The following JAK3 variants were observed in gnomAD, a reference collection of about 807,000 sequenced individuals.
JAK3 encodes tyrosine-protein kinase JAK3.
A neutral mutation model predicts 120.8 loss-of-function variants in JAK3; 88 were observed. The observed-to-expected ratio is 0.73, with a 90% CI of 0.61 to 0.87. The LOEUF (loss-of-function observed/expected upper bound fraction) is 0.87, where lower values mean the gene tolerates loss of function less well. Among genes scored for constraint, JAK3 ranks in the 40% least tolerant of loss-of-function variants. JAK3 has a pLI of 0.00. For synonymous variants in JAK3, 592 were observed against 628.6 expected, an observed-to-expected ratio of 0.94 and a Z score of 0.87; for missense variants, 1,254 against 1,501.4, an observed-to-expected ratio of 0.84 and a Z score of 2.72.
chr19:17,838,490 C>T lies in JAK3; in HGVS notation c.1442-100G>A, dbSNP rs1356670099. 23 of 1,376,400 alleles carry T rather than the reference C, an allele frequency of 1.7e-5. No individual in the cohort carries two copies. In the East Asian group the frequency reaches 3.2e-4, roughly 19 times the overall value. 85.3% of individuals were successfully genotyped at this position (1,376,400 alleles called of 1,614,324 possible). On this transcript the variant is annotated intron_variant, in intron 10 of 23. Coordinates refer to ENST00000458235, the MANE Select transcript of JAK3 (RefSeq NM_000215.4). ...TTAGTTTGAGGTACCCTCTAGAAGC[C>T]GACCCTGAGATGAAGACTTCAGGGC... is the stretch of plus-strand genomic sequence containing the variant.
intron 22 of JAK3, 22 bp from the exon 23 acceptor site, chr19:17,830,240 T>A: frequency 1.3e-6 from 2 of 1,494,700 alleles, no homozygotes; most frequent in Non-Finnish European, 1.8e-6. Flanking sequence ...GAGGAGCGCA[T>A]GTGGTGGGGG....
At position 17,834,892 on chromosome 19, in the gene JAK3, C is replaced by T; in HGVS notation, c.2159G>A (p.Ser720Asn). The T allele has an allele frequency of 1.9e-6, 3 of 1,614,172 alleles. No homozygotes were observed. The highest frequency in any genetic ancestry group is 1.1e-5 in the South Asian group (1 of 91,086). The change falls in exon 16 of 24, where the codon AGT becomes AAT. Residue 720 changes from serine (S) to asparagine (N), a missense_variant. This residue lies in a region of JAK3 where 630 missense variants were observed against 819.8 expected (regional missense o/e 0.77). Transcript: ENST00000458235. ...GGCACTGATGGGCATGGTGACGCCA[C>T]TAAACACTTCCCAGACCGTGGCGCC... is the stretch of plus-strand genomic sequence containing the variant. ...GFGATVWEVF[S>N]GVTMPISALD...
At position 17,840,185 on chromosome 19, in the gene JAK3, C is replaced by A. The variant is rs770302755; in HGVS notation, c.1254+45G>T. ...TTTTAAATCTCAATTCAAACGTCAC[C>A]TCCTCCAGGCAGCCCTCCACTACCC... is the stretch of plus-strand genomic sequence containing the variant. On this transcript the variant is annotated intron_variant, in intron 9 of 23. Coordinates refer to ENST00000458235, the MANE Select transcript of JAK3 (RefSeq NM_000215.4). 3 of 1,299,036 alleles carry A rather than the reference C, an allele frequency of 2.3e-6. No individual in the cohort carries two copies. The African/African-American group carries it at 4.4e-5, about 19-fold the overall frequency. The allele number at this position is 1,299,036 out of a possible 1,614,324, so 80.5% of individuals were successfully genotyped here.
rs1568401934 is a variant in JAK3 at position 17,832,711 on chromosome 19, G to C, written c.2491-3C>G. 1.9e-6 allele frequency: 3 copies of C among 1,614,094 alleles called. No individual in the cohort carries two copies. In the African/African-American group the frequency reaches 4.0e-5, roughly 22 times the overall value. On this transcript the variant is annotated splice_polypyrimidine_tract_variant and splice_region_variant and intron_variant, in intron 18 of 23. Coordinates refer to ENST00000458235, the MANE Select transcript of JAK3 (RefSeq NM_000215.4). This position sits in a 1 kb window ranked among gnomAD's most constrained non-coding sequence, Gnocchi z 4.7. ...AGCTCCACGCTGCCAAAGTTGCCCT[G>C]GGGGATAGCGGGACTGATGTCCAGG...
chr19:17,842,925 G>A lies in JAK3; in HGVS notation c.566+102C>T, dbSNP rs1306030514. 2 of 1,513,810 alleles carry A rather than the reference G, an allele frequency of 1.3e-6. No homozygotes were observed. The highest frequency in any genetic ancestry group is 2.7e-5 in the African/African-American group (2 of 73,076). 93.8% of individuals were successfully genotyped at this position (1,513,810 alleles called of 1,614,324 possible). On this transcript the variant is annotated intron_variant, in intron 5 of 23. Coordinates refer to ENST00000458235, the MANE Select transcript of JAK3 (RefSeq NM_000215.4). This position sits in a 1 kb window ranked among gnomAD's most constrained non-coding sequence, Gnocchi z 6.4. ...CCTGGGTCATAGGAACACCCTGAAA[G>A]CTTGCAGGAGAACTCCATGGTGGGA...
rs199649035 is a variant in JAK3 at position 17,838,014 on chromosome 19, C to A, written c.1619G>T (p.Arg540Leu). ...GGCCTCCCCATCCACCACCTCATGG[C>A]GACAGCCCCGGTAAATCTTGGTGAA... is the stretch of plus-strand genomic sequence containing the variant. ...GSFTKIYRGCRHEVVDGEARK... is the reference protein window; with the variant it reads ...GSFTKIYRGCLHEVVDGEARK... The change falls in exon 12 of 24, where the codon CGC (arginine) becomes CTC (leucine). Residue 540 changes from arginine to leucine, a missense_variant. Coordinates refer to ENST00000458235, the MANE Select transcript of JAK3 (RefSeq NM_000215.4). The A allele has an allele frequency of 6.2e-7, 1 of 1,614,088 alleles. No homozygotes were observed. The highest frequency in any genetic ancestry group is 1.1e-5 in the South Asian group (1 of 91,082).
chr19:17,836,010 T>C lies in JAK3; in HGVS notation c.1828A>G (p.Met610Val), dbSNP rs1297422849. Reference sequence around the variant, plus strand: ...AGGTGGCCACGTTTTCGCAGATACATGTCTATGGCCCCCAGGTGTACAAAT... The same window carrying C: ...AGGTGGCCACGTTTTCGCAGATACACGTCTATGGCCCCCAGGTGTACAAAT... ...QEFVHLGAID[M>V]YLRKRGHLVP... The change falls in exon 14 of 24, where the codon ATG becomes GTG. Residue 610 changes from methionine (M) to valine (V), a missense_variant. Transcript: ENST00000458235. 1.2e-6 allele frequency: 2 copies of C among 1,614,068 alleles called. No homozygotes were observed. The highest frequency in any genetic ancestry group is 1.7e-5 in the Admixed American group (1 of 60,022).
At chr19:17,834,516 A>C in intron 17 of JAK3, 55 bp downstream of exon 17, 1 of 1,607,378 alleles carries the variant, frequency 6.2e-7, no homozygotes, top group Non-Finnish European at 8.5e-7. Context: ...CGCTCCTTCC[A>C]CTGGGCCCAA....
chr19:17,834,641 C>A lies in JAK3; in HGVS notation c.2280G>T (p.Met760Ile), dbSNP rs1370953717. The A allele has an allele frequency of 6.2e-7, 1 of 1,614,122 alleles. No individual in the cohort carries two copies. The highest frequency in any genetic ancestry group is 1.1e-5 in the South Asian group (1 of 91,082). The change falls in exon 17 of 24, where the codon ATG (methionine) becomes ATT (isoleucine). Residue 760 changes from methionine to isoleucine, a missense_variant. Met to Ile is a conservative substitution (Grantham distance 10). This residue lies in a region of JAK3 where 630 missense variants were observed against 819.8 expected (regional missense o/e 0.77). Coordinates refer to ENST00000458235, the MANE Select transcript of JAK3 (RefSeq NM_000215.4). ...TELALLIQQC[M>I]AYEPVQRPSF... ...AGGGCCTCTGGACCGGCTCATAGGC[C>A]ATGCACTGTTGAATCAGCAGGGCCA...
chr19:17,826,600 G>T lies in JAK3; in HGVS notation c.*143C>A. On this transcript the variant is annotated 3_prime_UTR_variant, in exon 24 of 24. Transcript: ENST00000458235. Reference sequence around the variant, plus strand: ...ACAGGCTATTCTACAGGCCACGGGAGCCCCCCCAAATGCAATGTCATGGGG... The same window carrying T: ...ACAGGCTATTCTACAGGCCACGGGATCCCCCCCAAATGCAATGTCATGGGG... The T allele has an allele frequency of 1.1e-6, 1 of 894,522 alleles. No homozygotes were observed. The highest frequency in any genetic ancestry group is 1.9e-6 in the Non-Finnish European group (1 of 533,950). 55.4% of individuals were successfully genotyped at this position (894,522 alleles called of 1,614,324 possible). A position where few individuals can be genotyped will look rare whatever the true frequency, so the allele number is the denominator to read the frequency against.
At chr19:17,827,807 C>T (rs1209682840) in intron 23 of JAK3, among the ~76,000 whole-genome samples, 1 of 139,208 alleles carries the variant, frequency 7.2e-6, no homozygotes, top group Non-Finnish European at 1.5e-5. Flanking sequence ...GAGTCTAAGG[C>T]AGGAGAATTG....
chr19:17,844,107 ACTC>A lies in JAK3; in HGVS notation c.184+124_184+126del, dbSNP rs1689099985. On this transcript the variant is annotated intron_variant, in intron 2 of 23. Transcript: ENST00000458235. ...CCTGCACACCCTTCTCCATTACAAA[ACTC>A]CTACTCATCCCCCAAAGCCCCAGCT... 4 of 1,216,214 alleles carry A rather than the reference ACTC, an allele frequency of 3.3e-6. No homozygotes were observed. In the South Asian group the frequency reaches 4.0e-5, roughly 12 times the overall value. 75.3% of individuals were successfully genotyped at this position (1,216,214 alleles called of 1,614,324 possible).
In JAK3 at chr19:17,841,688, G is replaced by A. The variant is rs1414332078; in HGVS notation, c.936C>T (p.Ala312=). The change falls in exon 7 of 24, where the codon GCC becomes GCT. Residue 312 remains alanine (A), a synonymous_variant. Coordinates refer to ENST00000458235, the MANE Select transcript of JAK3 (RefSeq NM_000215.4). This position sits in a 1 kb window ranked among gnomAD's most constrained non-coding sequence, Gnocchi z 4.1. ...SIKQAPRVGP[A]GEHRLVTVTR... is the part of the protein sequence containing the mutation. The stretch of plus-strand genomic sequence containing the variant: ...TAACAGTGACCAGGCGGTGCTCTCC[G>A]GCCGGGCCAACGCGCGGGGCCTGCT... The A allele has an allele frequency of 1.9e-6, 3 of 1,613,806 alleles. No homozygotes were observed. Among genetic ancestry groups the A allele is most frequent in the Admixed American group, 1.7e-5 (1 of 60,018 alleles).
rs1250670490 is a variant in JAK3, at chr19:17,843,848, G to T, written c.237C>A (p.Ser79=). 4.3e-6 allele frequency: 7 copies of T among 1,613,524 alleles called. No individual in the cohort carries two copies. In the South Asian group the frequency reaches 6.6e-5, roughly 15 times the overall value. Residue 79 remains serine, a synonymous_variant, in exon 3 of 24, where the codon TCC becomes TCA. Transcript: ENST00000458235. The surrounding 1 kb of genome is among the most constrained non-coding windows in gnomAD (Gnocchi z 5.4). The part of the protein sequence containing the change: ...SLFALATEDL[S]CWFPPSHIFS... ...AGATGTGGCTCGGGGGGAACCAGCA[G>T]GACAGGTCCTCCGTGGCCAGAGCAA...
rs565101202 is a variant in JAK3 at position 17,842,591 on chromosome 19, G to C, written c.586C>G (p.Pro196Ala). Residue 196 changes from proline to alanine, a missense_variant, in exon 6 of 24, where the codon CCA becomes GCA. Pro to Ala is a conservative substitution (Grantham distance 27, BLOSUM62 -1). This residue lies in a region of JAK3 where 486 missense variants were observed against 503.0 expected (regional missense o/e 0.97). Transcript: ENST00000458235. The surrounding 1 kb of genome is among the most constrained non-coding windows in gnomAD (Gnocchi z 6.4). ...KTVSYKACLP[P>A]SLRDLIQGLS... Reference sequence around the variant, plus strand: ...CCCTGGATCAGGTCGCGCAGGCTTGGGGGTAGGCAGGCCTTGTAGCTGCAG... The same window carrying C: ...CCCTGGATCAGGTCGCGCAGGCTTGCGGGTAGGCAGGCCTTGTAGCTGCAG... 16 of 1,581,342 alleles carry C rather than the reference G, an allele frequency of 1.0e-5. No homozygotes were observed. Among genetic ancestry groups the C allele is most frequent in the South Asian group, 6.9e-5 (6 of 87,510 alleles).
In JAK3 at chr19:17,832,833, A is replaced by G; in HGVS notation, c.2447T>C (p.Ile816Thr). ...GTACTTGAGGTGTCTCTCCTCGAAG[A>G]TCGTGGGGTCTTGGCAGGCATAGAG... ...AQLYACQDPT[I>T]FEERHLKYIS... Residue 816 changes from isoleucine (I) to threonine (T), a missense_variant, in exon 18 of 24, where the codon ATC (isoleucine) becomes ACC (threonine). Coordinates refer to ENST00000458235, the MANE Select transcript of JAK3 (RefSeq NM_000215.4). This position sits in a 1 kb window ranked among gnomAD's most constrained non-coding sequence, Gnocchi z 4.7. The G allele has an allele frequency of 6.2e-7, 1 of 1,614,212 alleles. No individual in the cohort carries two copies. The highest frequency in any genetic ancestry group is 2.2e-5 in the East Asian group (1 of 44,884).
chr19:17,833,635 G>C (rs1296993710), intron 17 of JAK3, among the ~76,000 whole-genome samples: 1 of 150,600 alleles, frequency 6.6e-6, no homozygotes. Context: ...GGATCTCTTT[G>C]AGACCAGGAG....
At chr19:17,830,291 G>C (rs951241753) in intron 22 of JAK3, 73 bp from the exon 23 acceptor site, 11 of 1,214,598 alleles carry the variant, frequency 9.1e-6, no homozygotes, top group African/African-American at 7.5e-5. Flanking sequence ...CACCCGTGGT[G>C]GGGGTAGGGG....
In JAK3 at chr19:17,842,951, GC is replaced by G. The variant is rs1003272073; in HGVS notation, c.566+75del. On this transcript the variant is annotated intron_variant, in intron 5 of 23. Transcript: ENST00000458235. The surrounding 1 kb of genome is among the most constrained non-coding windows in gnomAD (Gnocchi z 6.4). ...CTTGCAGGAGAACTCCATGGTGGGAGCCCGGCAAAGCCCCGATGGAGCCCAC... is the reference window on the plus strand; with the variant it reads ...CTTGCAGGAGAACTCCATGGTGGGAGCCGGCAAAGCCCCGATGGAGCCCAC... 1 of 1,579,330 alleles carries G rather than the reference GC, an allele frequency of 6.3e-7. No homozygotes were observed. The highest frequency in any genetic ancestry group is 1.3e-5 in the African/African-American group (1 of 74,530).
Sources: allele counts gnomAD v4.1 joint callset (sites outside exome capture counted in the v4.1 genomes callset), GRCh38; gene constraint gnomAD v4.1.1; regional missense constraint gnomAD v4.1.1; non-coding constraint Gnocchi (gnomAD v3.1); transcripts MANE v1.5; gene names NCBI Gene and HGNC (gene_info 2026-07-23, HGNC 2026-07-21).